FAAH2: variants seen among roughly 807,000 people sequenced by gnomAD.
FAAH2 encodes the protein fatty-acid amide hydrolase 2.
Under a neutral mutation model 36.9 loss-of-function variants are expected in FAAH2, and 60 were observed. The ratio of observed to expected loss-of-function variants is 1.63; its 90% CI spans 1.32 to 2.02. FAAH2 has a LOEUF of 2.02. Ranked by LOEUF, FAAH2 falls within the 30% of genes most tolerant of loss-of-function variation. The pLI, the probability that FAAH2 is intolerant of heterozygous loss-of-function variation, is 0.00. For synonymous variants in FAAH2, 214 were observed against 143.8 expected, an observed-to-expected ratio of 1.49 and a Z score of -3.49; for missense variants, 689 against 397.5, an observed-to-expected ratio of 1.73 and a Z score of -6.23.
At chrX:57,432,063 C>T (rs750982129) in intron 8 of FAAH2, 26 bp downstream of exon 8, 4 of 1,160,409 alleles carry the variant, frequency 3.4e-6, no homozygotes, top group Non-Finnish European at 4.6e-6. Flanking sequence ...TCTTTACTTA[C>T]TTTTTTCTTT....
At chrX:57,330,911 C>T (rs1038796848) in intron 3 of FAAH2, among the ~76,000 whole-genome samples, 3 of 110,248 alleles carry the variant, frequency 2.7e-5, no homozygotes, top group Admixed American at 9.7e-5. Context: ...AATTGTGATG[C>T]AGGGCCCCAG....
the FAAH2 span, among the ~76,000 whole-genome samples, chrX:57,161,401 C>A: frequency 1.8e-5 from 2 of 110,787 alleles, no homozygotes; most frequent in African/African-American, 6.6e-5. Context: ...CTGAGTTCGG[C>A]TCCTGGATAT....
chrX:57,274,750 A>T, the FAAH2 span, among the ~76,000 whole-genome samples: 3 of 111,859 alleles, frequency 2.7e-5, no homozygotes, highest in African/African-American at 9.7e-5. Context: ...TCGATGGAAC[A>T]TATCTCAAAA....
At chrX:57,208,756 CT>C in the FAAH2 span, among the ~76,000 whole-genome samples, 1 of 111,827 alleles carries the variant, frequency 8.9e-6, no homozygotes, top group Non-Finnish European at 1.9e-5. Flanking sequence ...AAAAGTATTC[CT>C]TATGGGAAAC....
the FAAH2 span, among the ~76,000 whole-genome samples, chrX:57,280,157 A>G: frequency 3.6e-5 from 4 of 111,934 alleles, no homozygotes; most frequent in African/African-American, 9.7e-5. Flanking sequence ...ACTTTGAAAA[A>G]ATGTCAGCTG....
At chrX:57,423,141 T>C (rs1448092892) in intron 7 of FAAH2, among the ~76,000 whole-genome samples, 2 of 112,084 alleles carry the variant, frequency 1.8e-5, no homozygotes, top group Non-Finnish European at 3.8e-5. Flanking sequence ...GTGCTTTGTG[T>C]GCACTTCTAT....
the FAAH2 span, chrX:57,121,999 T>G: frequency 8.9e-6 from 1 of 112,323 alleles, no homozygotes; most frequent in South Asian, 3.6e-4. Context: ...AGTCTCTACC[T>G]AATTTTTGCT....
At chrX:57,156,657 C>A in the FAAH2 span, among the ~76,000 whole-genome samples, 1 of 112,114 alleles carries the variant, frequency 8.9e-6, no homozygotes, top group Non-Finnish European at 1.9e-5. Context: ...AGATACACAG[C>A]CTTTGTGGAC....
intron 4 of FAAH2, among the ~76,000 whole-genome samples, chrX:57,335,412 C>T (rs762205503): frequency 8.9e-6 from 1 of 111,978 alleles, no homozygotes; most frequent in South Asian, 3.8e-4. Context: ...CAGGTAAACA[C>T]GTGAACAAAT....
At chrX:57,302,708 C>T (rs183155297) in intron 2 of FAAH2, among the ~76,000 whole-genome samples, 51 of 111,478 alleles carry the variant, frequency 4.6e-4, no homozygotes, top group African/African-American at 1.5e-3. Context: ...ACTTGAATCA[C>T]TGAGCAAGTG....
chrX:57,252,448 C>T, the FAAH2 span, among the ~76,000 whole-genome samples: 2 of 112,439 alleles, frequency 1.8e-5, no homozygotes, highest in Non-Finnish European at 3.8e-5. Flanking sequence ...AAGTGGATCC[C>T]TGACACCCGT....
At chrX:57,124,270 C>T in the FAAH2 span, among the ~76,000 whole-genome samples, 2 of 111,576 alleles carry the variant, frequency 1.8e-5, no homozygotes, top group African/African-American at 6.5e-5. Context: ...AATCCTTTCC[C>T]CATTTCTTGT....
chrX:57,327,942 T>G (rs951322625), intron 3 of FAAH2, among the ~76,000 whole-genome samples: 1 of 110,664 alleles, frequency 9.0e-6, no homozygotes, highest in South Asian at 3.8e-4. Flanking sequence ...CTGGTTTTTT[T>G]GCTCTGTTTT....
chrX:57,313,173 AC>A (rs2052742573), intron 3 of FAAH2, among the ~76,000 whole-genome samples: 1 of 111,073 alleles, frequency 9.0e-6, no homozygotes, highest in African/African-American at 3.3e-5. Flanking sequence ...TTTTCAAATC[AC>A]CTTAGTCAGA....
chrX:57,478,971 G>A (rs936896056), intron 10 of FAAH2, among the ~76,000 whole-genome samples: 7 of 111,463 alleles, frequency 6.3e-5, no homozygotes, highest in African/African-American at 2.0e-4. Context: ...GGCAATGTGG[G>A]CTCTTTTTTG....
the FAAH2 span, among the ~76,000 whole-genome samples, chrX:57,177,938 C>T: frequency 9.0e-6 from 1 of 110,800 alleles, no homozygotes; most frequent in African/African-American, 3.3e-5. Flanking sequence ...CTTAATGTGG[C>T]ACAGCCTCCC....
chrX:57,126,655 G>A, the FAAH2 span, among the ~76,000 whole-genome samples: 1 of 111,745 alleles, frequency 8.9e-6, no homozygotes, highest in Non-Finnish European at 1.9e-5. Context: ...TGTACATGTA[G>A]GTGGTCATGG....
At chrX:57,265,888 A>G in the FAAH2 span, among the ~76,000 whole-genome samples, 1 of 111,287 alleles carries the variant, frequency 9.0e-6, no homozygotes, top group Non-Finnish European at 1.9e-5. Flanking sequence ...GTCCTTCATC[A>G]CAGTGTGGAG....
chrX:57,483,712 T>C (rs2057420715), intron 10 of FAAH2, among the ~76,000 whole-genome samples: 1 of 108,845 alleles, frequency 9.2e-6, no homozygotes, highest in African/African-American at 3.4e-5. Context: ...CTCCTGAGAA[T>C]GTTACTGTGT....
Sources: gnomAD v4.1 joint callset for allele counts (sites outside exome capture counted in the v4.1 genomes callset) on GRCh38, gnomAD v4.1.1 for gene constraint, MANE v1.5 for transcripts, NCBI Gene and HGNC (gene_info 2026-07-23, HGNC 2026-07-21) for gene names.